DNM3: variants seen among roughly 807,000 people sequenced by gnomAD.
DNM3 encodes the protein dynamin-3.
Under a neutral mutation model 101.6 loss-of-function variants are expected in DNM3, and 47 were observed. The ratio of observed to expected loss-of-function variants is 0.46; its 90% CI spans 0.37 to 0.59. DNM3 has a LOEUF of 0.59. Ranked by LOEUF, DNM3 falls within the 20% of genes least tolerant of loss-of-function variation. DNM3 has a pLI of 0.00. For synonymous variants in DNM3, 385 were observed against 387.9 expected (o/e 0.99, Z 0.09); for missense variants, 849 against 1,085.7 (o/e 0.78, Z 3.06).
intron 14 of DNM3, among the ~76,000 whole-genome samples, chr1:172,234,570 T>C (rs1029232361): frequency 4.6e-5 from 7 of 152,074 alleles, no homozygotes; most frequent in Non-Finnish European, 1.0e-4. Flanking sequence ...GAGCCCACAT[T>C]GCCAAGTCAA....
intron 1 of DNM3, among the ~76,000 whole-genome samples, chr1:171,870,623 T>A (rs183126326): frequency 6.6e-6 from 1 of 152,306 alleles, no homozygotes; most frequent in Admixed American, 6.5e-5. Flanking sequence ...TATGTGCCTA[T>A]CACTTTGCAA....
chr1:172,280,349 G>T (rs2063443671), intron 15 of DNM3, among the ~76,000 whole-genome samples: 1 of 151,978 alleles, frequency 6.6e-6, no homozygotes, highest in African/African-American at 2.4e-5. Flanking sequence ...CTCCATTTTA[G>T]TATAAGTTCA....
intron 15 of DNM3, among the ~76,000 whole-genome samples, chr1:172,278,867 C>G (rs2063384567): frequency 6.6e-6 from 1 of 152,142 alleles, no homozygotes; most frequent in African/African-American, 2.4e-5. Context: ...TGTTCTTTCT[C>G]TGGTAGTTTC....
chr1:172,271,926 A>G (rs1308125072), intron 15 of DNM3, among the ~76,000 whole-genome samples: 5 of 152,164 alleles, frequency 3.3e-5, no homozygotes, highest in African/African-American at 9.6e-5. Context: ...GAAGGTGTCA[A>G]TGACGCCCAT....
chr1:172,112,241 C>T (rs957162754), intron 13 of DNM3, among the ~76,000 whole-genome samples: 1 of 152,192 alleles, frequency 6.6e-6, no homozygotes, highest in Non-Finnish European at 1.5e-5. Flanking sequence ...ATCTTCACAA[C>T]GACCTTATGG....
At chr1:172,218,133 A>G (rs1184963369) in intron 14 of DNM3, among the ~76,000 whole-genome samples, 2 of 152,262 alleles carry the variant, frequency 1.3e-5, no homozygotes, top group South Asian at 2.1e-4. Flanking sequence ...TTCTCTAGAC[A>G]TAATCTCAGT....
At chr1:172,368,516 A>T (rs1016747153) in intron 17 of DNM3, among the ~76,000 whole-genome samples, 2 of 151,922 alleles carry the variant, frequency 1.3e-5, no homozygotes, top group Non-Finnish European at 2.9e-5. Flanking sequence ...CACCAACATC[A>T]AAAAAGTAGA....
intron 15 of DNM3, among the ~76,000 whole-genome samples, chr1:172,302,813 A>G (rs2064535684): frequency 6.6e-6 from 1 of 152,156 alleles, no homozygotes; most frequent in African/African-American, 2.4e-5. Context: ...AAAACTGACA[A>G]ACAGAAAGGA....
chr1:172,296,783 T>C (rs1328101138), intron 15 of DNM3, among the ~76,000 whole-genome samples: 1 of 152,216 alleles, frequency 6.6e-6, no homozygotes, highest in Non-Finnish European at 1.5e-5. Context: ...TCCTAAGTTA[T>C]TTGTAGTACT....
At chr1:172,306,501 C>T (rs1259359846) in intron 15 of DNM3, among the ~76,000 whole-genome samples, 2 of 152,156 alleles carry the variant, frequency 1.3e-5, no homozygotes, top group East Asian at 3.8e-4. Flanking sequence ...CTAACAATGA[C>T]TTTCTTCACA....
At chr1:171,941,760 T>C (rs912178670) in intron 2 of DNM3, among the ~76,000 whole-genome samples, 1 of 152,220 alleles carries the variant, frequency 6.6e-6, no homozygotes, top group African/African-American at 2.4e-5. Context: ...GTGAATTTAT[T>C]GAATGAACCC....
intron 1 of DNM3, among the ~76,000 whole-genome samples, chr1:171,888,327 A>AG (rs1039619309): frequency 1.7e-4 from 26 of 152,152 alleles, no homozygotes; most frequent in Admixed American, 1.6e-3. Context: ...CACTTAGAGT[A>AG]GGGGGGGAAT....
At chr1:172,125,394 A>T (rs1350056362) in intron 13 of DNM3, among the ~76,000 whole-genome samples, 1 of 152,160 alleles carries the variant, frequency 6.6e-6, no homozygotes, top group Non-Finnish European at 1.5e-5. Flanking sequence ...TTTATGATCC[A>T]GTATGTCAGC....
chr1:172,410,882 C>G lies in DNM3; in HGVS notation c.*3041C>G. The G allele has an allele frequency of 1.0e-6, 1 of 985,108 alleles. No individual in the cohort carries two copies. The highest frequency in any genetic ancestry group is 1.2e-6 in the Non-Finnish European group (1 of 829,780). 61.0% of individuals were successfully genotyped at this position (985,108 alleles called of 1,614,324 possible). On this transcript the variant is annotated 3_prime_UTR_variant, in exon 21 of 21. Transcript: ENST00000627582. ...ATAATTCTCAAATATGAAATGGGAC[C>G]TAATACCAGTATGTGATAAATGTTG...
At chr1:171,916,304 G>A (rs2039705226) in intron 1 of DNM3, among the ~76,000 whole-genome samples, 1 of 152,130 alleles carries the variant, frequency 6.6e-6, no homozygotes, top group Non-Finnish European at 1.5e-5. Flanking sequence ...CTTCCTCATA[G>A]GATGTTATGA....
intron 4 of DNM3, among the ~76,000 whole-genome samples, chr1:172,027,797 A>T (rs141262289): frequency 0.011 from 1,600 of 152,320 alleles, 17 homozygotes; most frequent in Non-Finnish European, 0.018. Flanking sequence ...AACAGACTTT[A>T]AGCCAACAAA....
At chr1:172,232,186 G>C (rs944012242) in intron 14 of DNM3, among the ~76,000 whole-genome samples, 2 of 152,140 alleles carry the variant, frequency 1.3e-5, no homozygotes, top group Admixed American at 6.5e-5. Context: ...ATAAAGGGAT[G>C]GAGGAAGATC....
At chr1:172,371,905 TATTTA>T (rs1015815557) in intron 17 of DNM3, among the ~76,000 whole-genome samples, 4 of 149,172 alleles carry the variant, frequency 2.7e-5, no homozygotes, top group African/African-American at 9.8e-5. Context: ...TTTATTTATT[TATTTA>T]TTTATTTATT....
chr1:171,850,531 C>T (rs2124991177), intron 1 of DNM3, among the ~76,000 whole-genome samples: 1 of 152,220 alleles, frequency 6.6e-6, no homozygotes, highest in East Asian at 1.9e-4. Context: ...TTTTATAGAT[C>T]CTAGCATTCA....
Sources: gnomAD v4.1 joint callset for allele counts (sites outside exome capture counted in the v4.1 genomes callset) on GRCh38, gnomAD v4.1.1 for gene constraint, MANE v1.5 for transcripts, NCBI Gene and HGNC (gene_info 2026-07-23, HGNC 2026-07-21) for gene names.